The following COLEC10 variants were observed in gnomAD, a reference collection of about 807,000 sequenced individuals.
COLEC10 encodes the protein collectin subfamily member 10, also known as collectin-10.
A neutral mutation model predicts 28.4 loss-of-function variants in COLEC10; 22 were observed. The observed-to-expected ratio is 0.78, with a 90% CI of 0.55 to 1.11. The LOEUF (loss-of-function observed/expected upper bound fraction) is 1.11, where lower values mean the gene tolerates loss of function less well. Among genes scored for constraint, COLEC10 ranks in the 50% least tolerant of loss-of-function variants. The pLI, the probability that COLEC10 is intolerant of heterozygous loss-of-function variation, is 0.00. For missense variants in COLEC10, 361 were observed against 344.1 expected (o/e 1.05, Z -0.39); for synonymous variants, 125 against 116.1 (o/e 1.08, Z -0.49).
At chr8:118,992,931 G>A (rs1377372257), upstream of COLEC10, among the ~76,000 whole-genome samples, 2 of 152,094 alleles carry the variant, frequency 1.3e-5, no homozygotes, top group East Asian at 3.8e-4. Context: ...TAATTGTTAA[G>A]ATAATATAAA....
At chr8:118,989,577 A>C in the COLEC10 span, among the ~76,000 whole-genome samples, 61 of 137,460 alleles carry the variant, frequency 4.4e-4, no homozygotes, top group African/African-American at 1.4e-3. Flanking sequence ...ACACACACAC[A>C]CCCCTACCTA....
At chr8:119,086,265 T>C (rs560462000) in intron 1 of COLEC10, among the ~76,000 whole-genome samples, 2 of 152,346 alleles carry the variant, frequency 1.3e-5, no homozygotes, top group South Asian at 4.1e-4. Context: ...TATTTCAGTT[T>C]ATAGCTTTTC....
intron 1 of COLEC10, among the ~76,000 whole-genome samples, chr8:119,085,336 G>C (rs925768625): frequency 3.3e-4 from 51 of 152,282 alleles, no homozygotes; most frequent in East Asian, 1.9e-3. Context: ...ATGAGGTTGA[G>C]GTTGGGGAAG....
chr8:119,039,719 C>A (rs1384269603), intron 2 of COLEC10, among the ~76,000 whole-genome samples: 1 of 152,090 alleles, frequency 6.6e-6, no homozygotes, highest in African/African-American at 2.4e-5. Flanking sequence ...CATTTCCTTG[C>A]CTTGTCTGGT....
upstream of COLEC10, among the ~76,000 whole-genome samples, chr8:118,992,364 C>G (rs1307158199): frequency 6.6e-6 from 1 of 152,072 alleles, no homozygotes; most frequent in East Asian, 1.9e-4. Context: ...TCAGTTTAAA[C>G]AACTCCACTA....
At chr8:119,007,669 A>C (rs1186354195) in intron 1 of COLEC10, among the ~76,000 whole-genome samples, 1 of 151,096 alleles carries the variant, frequency 6.6e-6, no homozygotes, top group Non-Finnish European at 1.5e-5. Flanking sequence ...GGACTTGCCC[A>C]AAGTATGTTA....
chr8:119,082,588 A>G (rs1373373716), intron 1 of COLEC10, among the ~76,000 whole-genome samples: 1 of 152,206 alleles, frequency 6.6e-6, no homozygotes, highest in Non-Finnish European at 1.5e-5. Context: ...AGTTCTGACC[A>G]TTGAAGACGG....
rs1163961218 is a variant in COLEC10 at position 119,067,355 on chromosome 8, G to A, written c.74G>A (p.Ser25Asn). ...GTACTATTTCTTTTGCAAATTCAGA[G>A]TCTGGGTCTGGATATTGATAGCCGT... The part of the protein sequence containing the change: ...LLVLFLLQIQ[S>N]LGLDIDSRPT... The change falls in exon 1 of 6, where the codon AGT becomes AAT. Residue 25 changes from serine (S) to asparagine (N), a missense_variant. This residue lies in a region of COLEC10 where 335 missense variants were observed against 308.5 expected (regional missense o/e 1.09). Transcript: ENST00000332843. The A allele has an allele frequency of 3.7e-6, 6 of 1,613,938 alleles. No individual in the cohort carries two copies. The highest frequency in any genetic ancestry group is 1.3e-5 in the African/African-American group (1 of 74,914).
intron 1 of COLEC10, among the ~76,000 whole-genome samples, chr8:119,088,717 C>T (rs1006686280): frequency 1.3e-5 from 2 of 152,138 alleles, no homozygotes; most frequent in African/African-American, 2.4e-5. Flanking sequence ...AGCACATTCA[C>T]GTGCTCACCT....
intron 3 of COLEC10, 43 bp downstream of exon 3, chr8:119,091,263 A>G: frequency 6.8e-7 from 1 of 1,468,474 alleles, no homozygotes; most frequent in Non-Finnish European, 9.5e-7. Context: ...TTCAAAGCAA[A>G]TTGAGGCCGG....
chr8:119,070,057 T>C (rs921616888), intron 1 of COLEC10, among the ~76,000 whole-genome samples: 6 of 152,140 alleles, frequency 3.9e-5, no homozygotes, highest in African/African-American at 9.7e-5. Context: ...ATAGAATATA[T>C]TGACCAATAT....
the COLEC10 span, among the ~76,000 whole-genome samples, chr8:118,977,780 T>TA: frequency 6.7e-4 from 100 of 148,902 alleles, 1 homozygote; most frequent in African/African-American, 2.2e-3. Context: ...AATAATCAAC[T>TA]AAAAAAAATA....
chr8:119,063,122 T>C (rs1477014513), upstream of COLEC10: 1 of 152,220 alleles, frequency 6.6e-6, no homozygotes, highest in Non-Finnish European at 1.5e-5. Flanking sequence ...GAATTTATTT[T>C]CCTTCCAGGA....
At chr8:118,986,839 G>A in the COLEC10 span, among the ~76,000 whole-genome samples, 4 of 152,066 alleles carry the variant, frequency 2.6e-5, no homozygotes, top group Non-Finnish European at 5.9e-5. Context: ...CCTAAAACAG[G>A]TAAATTTATA....
chr8:118,996,360 A>C (rs1813589996), intron 1 of COLEC10, among the ~76,000 whole-genome samples: 1 of 152,194 alleles, frequency 6.6e-6, no homozygotes, highest in African/African-American at 2.4e-5. Context: ...GATTTAAATC[A>C]TTTTGGATAA....
intron 2 of COLEC10, among the ~76,000 whole-genome samples, chr8:119,011,597 A>G (rs146303450): frequency 1.9e-4 from 28 of 151,120 alleles, no homozygotes; most frequent in Non-Finnish European, 3.2e-4. Context: ...TTTCCAATCC[A>G]TGATCATGGA....
intron 3 of COLEC10, among the ~76,000 whole-genome samples, chr8:119,098,210 A>C (rs1000265874): frequency 2.6e-5 from 4 of 152,056 alleles, no homozygotes; most frequent in African/African-American, 7.2e-5. Flanking sequence ...AAAGCTAAGG[A>C]TCTTAAGCAC....
chr8:118,953,844 C>T, the COLEC10 span, among the ~76,000 whole-genome samples: 2 of 152,198 alleles, frequency 1.3e-5, no homozygotes, highest in Non-Finnish European at 2.9e-5. Context: ...TCTGTGACCT[C>T]AGACTAGTTG....
At chr8:119,096,420 CATCTCT>C (rs1215584258) in intron 3 of COLEC10, among the ~76,000 whole-genome samples, 1 of 152,066 alleles carries the variant, frequency 6.6e-6, no homozygotes, top group Non-Finnish European at 1.5e-5. Context: ...GGCGAAACCC[CATCTCT>C]ACTAAAAATG....
Sources: gnomAD v4.1 joint callset for allele counts (sites outside exome capture counted in the v4.1 genomes callset) on GRCh38, gnomAD v4.1.1 for gene constraint, gnomAD v4.1.1 regional missense constraint, MANE v1.5 for transcripts, NCBI Gene and HGNC (gene_info 2026-07-23, HGNC 2026-07-21) for gene names.